CHN2: variants seen among roughly 807,000 people sequenced by gnomAD.
CHN2 encodes chimerin 2.
Under a neutral mutation model 56.3 loss-of-function variants are expected in CHN2, and 35 were observed. That is an observed-to-expected ratio of 0.62 (90% CI 0.47 to 0.82). The LOEUF is 0.82. CHN2 is among the 40% of genes least tolerant of loss of function. The pLI is 0.00. For missense variants in CHN2, 491 were observed against 580.5 expected, an observed-to-expected ratio of 0.85 and a Z score of 1.58; for synonymous variants, 210 against 212.8, an observed-to-expected ratio of 0.99 and a Z score of 0.12.
At chr7:29,285,838 G>A (rs1206512114) in intron 1 of CHN2, among the ~76,000 whole-genome samples, 2 of 152,142 alleles carry the variant, frequency 1.3e-5, no homozygotes, top group Non-Finnish European at 1.5e-5. Flanking sequence ...ATCCTCATCG[G>A]AGTTATTGAC....
chr7:29,269,636 C>A (rs534129327), intron 1 of CHN2, among the ~76,000 whole-genome samples: 4 of 152,286 alleles, frequency 2.6e-5, no homozygotes, highest in Admixed American at 2.0e-4. Flanking sequence ...ATGCTGTTTT[C>A]CATAGTGGCT....
Position 29,168,213 on chromosome 7 carries a change from T to G in CHN2, c.274+21253T>G, listed in dbSNP as rs13225290. Among the ~76,000 whole-genome samples, 111 of 152,202 alleles carry G rather than the reference T, an allele frequency of 7.3e-4. 1 individual carries two copies. Among genetic ancestry groups the G allele is most frequent in the Non-Finnish European group, 1.2e-4 (8 of 68,006 alleles). On this transcript the variant is annotated intron_variant, in intron 2 of 6. Coordinates refer to the CHN2 transcript ENST00000439384. Reference sequence around the variant, plus strand: ...GGGCATTTTTTTATTTCATAAAATGTCGGTTTATTTGTTTGTTTAAACCAT... The same window carrying G: ...GGGCATTTTTTTATTTCATAAAATGGCGGTTTATTTGTTTGTTTAAACCAT...
intron 3 of CHN2, among the ~76,000 whole-genome samples, chr7:29,377,506 G>A (rs908199528): frequency 3.6e-4 from 55 of 152,094 alleles, no homozygotes; most frequent in African/African-American, 1.1e-3. Context: ...ATTCATTATC[G>A]TATGTCAGAA....
At chr7:29,207,268 C>A (rs1301657063) in intron 1 of CHN2, among the ~76,000 whole-genome samples, 5 of 152,198 alleles carry the variant, frequency 3.3e-5, no homozygotes, top group African/African-American at 9.7e-5. Flanking sequence ...GGAGGCATTT[C>A]AATCCCTACT....
Position 29,426,270 on chromosome 7 carries a change from G to A in CHN2, c.576+25442G>A, listed in dbSNP as rs191632401. On this transcript the variant is annotated intron_variant, in intron 6 of 12. Transcript: ENST00000222792. ...AGGTTAATGGATTGTAGGACACTGGGATTTTTGCATCAGAAATGTTGCCTT... is the reference window on the plus strand; with the variant it reads ...AGGTTAATGGATTGTAGGACACTGGAATTTTTGCATCAGAAATGTTGCCTT... Among the ~76,000 whole-genome samples the A allele has an allele frequency of 2.6e-4, 39 of 151,570 alleles. 1 individual carries two copies. Among genetic ancestry groups the A allele is most frequent in the Non-Finnish European group, 1.5e-4 (10 of 67,942 alleles).
At chr7:29,487,712 C>CCTTTCCCTCCCTA (rs1452852238) in intron 7 of CHN2, among the ~76,000 whole-genome samples, 3 of 151,990 alleles carry the variant, frequency 2.0e-5, no homozygotes, top group African/African-American at 7.3e-5. Context: ...CTCCCTCCTT[C>CCTTTCCCTCCCTA]CTTTCCCTCC....
At chr7:29,371,221 G>A (rs1799585851) in intron 3 of CHN2, among the ~76,000 whole-genome samples, 1 of 152,168 alleles carries the variant, frequency 6.6e-6, no homozygotes, top group Non-Finnish European at 1.5e-5. Flanking sequence ...AAGAGGCAGT[G>A]ATCAAGAAGA....
intron 1 of CHN2, among the ~76,000 whole-genome samples, chr7:29,294,871 G>C (rs139240113): frequency 3.3e-4 from 50 of 152,252 alleles, no homozygotes; most frequent in Middle Eastern, 6.8e-3. Flanking sequence ...ATGCAGACTT[G>C]TGTGTGAAGC....
chr7:29,445,920 G>A (rs986387015), intron 6 of CHN2, among the ~76,000 whole-genome samples: 7 of 152,000 alleles, frequency 4.6e-5, no homozygotes, highest in East Asian at 3.9e-4. Flanking sequence ...AAGGGCCCCC[G>A]AGATTCTTGC....
intron 1 of CHN2, among the ~76,000 whole-genome samples, chr7:29,352,047 A>G (rs907880624): frequency 6.6e-6 from 1 of 152,220 alleles, no homozygotes; most frequent in African/African-American, 2.4e-5. Flanking sequence ...CCACAGAACA[A>G]CAAGACTGAA....
At chr7:29,229,000 C>T (rs1304786629) in intron 1 of CHN2, among the ~76,000 whole-genome samples, 1 of 152,190 alleles carries the variant, frequency 6.6e-6, no homozygotes, top group Admixed American at 6.5e-5. Context: ...TCCATGGATT[C>T]AGGGATGGAC....
At chr7:29,257,979 T>A (rs1265890903) in intron 1 of CHN2, among the ~76,000 whole-genome samples, 2 of 151,986 alleles carry the variant, frequency 1.3e-5, no homozygotes, top group African/African-American at 4.8e-5. Context: ...AGATAGGGTC[T>A]TGCCGTGTTG....
intron 2 of CHN2, among the ~76,000 whole-genome samples, 167 bp from the exon 3 acceptor site, chr7:29,367,761 TATAA>T (rs1443945639): frequency 6.6e-6 from 1 of 152,238 alleles, no homozygotes; most frequent in Non-Finnish European, 1.5e-5. Context: ...CTAATTTCCA[TATAA>T]ATAATCTGAC....
intron 2 of CHN2, among the ~76,000 whole-genome samples, chr7:29,153,905 C>G (rs183839291): frequency 1.3e-5 from 2 of 152,144 alleles, no homozygotes; most frequent in East Asian, 3.9e-4. Flanking sequence ...TTTCTTTTCT[C>G]TAGCTTACTT....
chr7:29,487,720 T>C (rs1788189715), intron 7 of CHN2, among the ~76,000 whole-genome samples: 1 of 150,604 alleles, frequency 6.6e-6, no homozygotes, highest in South Asian at 2.2e-4. Context: ...TTCCTTTCCC[T>C]CCCTACTTTC....
At chr7:29,293,322 C>T (rs1792800831) in intron 1 of CHN2, among the ~76,000 whole-genome samples, 2 of 150,482 alleles carry the variant, frequency 1.3e-5, no homozygotes, top group African/African-American at 4.9e-5. Context: ...GGGCTTTGAC[C>T]CATCACTCTA....
At chr7:29,321,569 T>C (rs1265291126) in intron 1 of CHN2, among the ~76,000 whole-genome samples, 1 of 98,174 alleles carries the variant, frequency 1.0e-5, no homozygotes, top group African/African-American at 3.1e-5. Context: ...TTTCTTTCTT[T>C]CTTTTTTTTT....
At chr7:29,341,063 T>A (rs1797019844) in intron 1 of CHN2, among the ~76,000 whole-genome samples, 2 of 152,138 alleles carry the variant, frequency 1.3e-5, no homozygotes, top group Non-Finnish European at 2.9e-5. Flanking sequence ...CCCATGTGGG[T>A]CAAGGTTGAG....
chr7:29,409,542 A>C (rs888333130), intron 6 of CHN2, among the ~76,000 whole-genome samples: 1 of 152,186 alleles, frequency 6.6e-6, no homozygotes, highest in Non-Finnish European at 1.5e-5. Flanking sequence ...CCTGTATTCA[A>C]CCTGGGATAT....
Sources: allele counts gnomAD v4.1 joint callset (sites outside exome capture counted in the v4.1 genomes callset), GRCh38; gene constraint gnomAD v4.1.1; transcripts MANE v1.5; gene names NCBI Gene and HGNC (gene_info 2026-07-23, HGNC 2026-07-21).